IL1F10: variants seen among roughly 807,000 people sequenced by gnomAD.
The protein encoded by IL1F10 is interleukin 1 family member 10.
A neutral mutation model predicts 13.1 loss-of-function variants in IL1F10; 13 were observed. That is an observed-to-expected ratio of 0.99 (90% confidence interval 0.64 to 1.57). The LOEUF is 1.57. Ranked by LOEUF, IL1F10 falls within the 40% of genes most tolerant of loss-of-function variation. IL1F10 has a pLI of 0.00. For missense variants in IL1F10, 191 were observed against 184.1 expected (o/e 1.04, Z -0.22); for synonymous variants, 78 against 68.2 (o/e 1.14, Z -0.71).
chr2:113,072,986 G>GGTCTA (rs1685866841), intron 2 of IL1F10, among the ~76,000 whole-genome samples: 2 of 152,050 alleles, frequency 1.3e-5, no homozygotes, highest in Non-Finnish European at 2.9e-5. Flanking sequence ...CAAAAAGTCT[G>GGTCTA]TAAGTGGAGT....
chr2:113,072,623 C>T (rs539520371), intron 1 of IL1F10, 88 bp from the exon 2 acceptor site: 10 of 847,590 alleles, frequency 1.2e-5, no homozygotes, highest in South Asian at 1.1e-4. Flanking sequence ...CCGTGCAGCC[C>T]TTGGCTGAGT....
rs1446295214 is a variant in IL1F10 at position 113,073,812 on chromosome 2, GA to G, written c.33-514del. Among the ~76,000 whole-genome samples, 4 of 152,290 alleles carry G rather than the reference GA, an allele frequency of 2.6e-5. No individual in the cohort carries two copies. The East Asian group carries it at 7.7e-4, about 29-fold the overall frequency. ...CTGACAGCAGCTGACAGGCATCTTT[GA>G]AACCAACTAGGTGACTGAGCTAATA... On this transcript the variant is annotated intron_variant, in intron 2 of 4. Transcript: ENST00000341010.
rs1685912769 is a variant in IL1F10, at chr2:113,075,066, C to T, written c.247-86C>T. 3.0e-6 allele frequency: 4 copies of T among 1,337,424 alleles called. No individual in the cohort carries two copies. In the Admixed American group the frequency reaches 8.4e-5, roughly 28 times the overall value. 82.8% of individuals were successfully genotyped at this position (1,337,424 alleles called of 1,614,324 possible). A position where few individuals can be genotyped will look rare whatever the true frequency, so the allele number is the denominator to read the frequency against. On this transcript the variant is annotated intron_variant, in intron 4 of 4. Transcript: ENST00000341010. Reference sequence around the variant, plus strand: ...TGGGTAAAAACCAGCCCTGTCAGGTCCTTTTTTGGCCAAGCCCCAGAGGCC... The same window carrying T: ...TGGGTAAAAACCAGCCCTGTCAGGTTCTTTTTTGGCCAAGCCCCAGAGGCC...
Position 113,075,511 on chromosome 2 carries a change from G to A in IL1F10, c.*147G>A, listed in dbSNP as rs2105080579. On this transcript the variant is annotated 3_prime_UTR_variant, in exon 5 of 5. Transcript: ENST00000341010. ...ATATGTTACCATACATGTCCAAAGA[G>A]GTTTTGCAAATGTGATTATGTTAAG... 6 of 521,408 alleles carry A rather than the reference G, an allele frequency of 1.2e-5. No individual in the cohort carries two copies. In the South Asian group the frequency reaches 3.0e-4, roughly 26 times the overall value. The allele number at this position is 521,408 out of a possible 1,614,324, so 32.3% of individuals were successfully genotyped here. A position where few individuals can be genotyped will look rare whatever the true frequency, so the allele number is the denominator to read the frequency against.
In IL1F10 at chr2:113,069,809, G is replaced by A. The variant is rs114129991; in HGVS notation, c.-29+1793G>A. On this transcript the variant is annotated intron_variant, in intron 1 of 4. Coordinates refer to ENST00000341010, the MANE Select transcript of IL1F10 (RefSeq NM_173161.3). ...CTTAGGGGTGGCCCCAGAAGGAGGTGAAATCTACAGTGGGAGAAAGAGGTG... is the reference window on the plus strand; with the variant it reads ...CTTAGGGGTGGCCCCAGAAGGAGGTAAAATCTACAGTGGGAGAAAGAGGTG... Among the ~76,000 whole-genome samples the A allele has an allele frequency of 9.4e-3, 1,430 of 152,316 alleles. 26 individuals carry two copies. Among genetic ancestry groups the A allele is most frequent in the African/African-American group, 0.032 (1,317 of 41,552 alleles).
At chr2:113,074,054 C>T (rs1685891363) in intron 2 of IL1F10, among the ~76,000 whole-genome samples, 1 of 152,188 alleles carries the variant, frequency 6.6e-6, no homozygotes. Flanking sequence ...TGTCAGAGGG[C>T]ATTGGCTCTC....
rs188407486 is a variant in IL1F10, at chr2:113,072,705, C to G, written c.-28-6C>G. The stretch of plus-strand genomic sequence containing the variant: ...TTTCTAACTGCCCTTCTCTCCTCCC[C>G]ATCAGTGAGGACCAGACACCACTGA... On this transcript the variant is annotated splice_polypyrimidine_tract_variant and splice_region_variant and intron_variant, in intron 1 of 4. Transcript: ENST00000341010. 2.3e-3 allele frequency: 3,683 copies of G among 1,594,636 alleles called. 11 individuals carry two copies. The highest frequency in any genetic ancestry group is 0.014 in the Middle Eastern group (86 of 6,022).
At chr2:113,074,614 A>G in intron 3 of IL1F10, 109 bp from the exon 4 acceptor site, 1 of 1,395,544 alleles carries the variant, frequency 7.2e-7, no homozygotes, top group Non-Finnish European at 1.0e-6. Context: ...ATGCAGGGCC[A>G]GGCCAGGTGT....
intron 2 of IL1F10, 40 bp from the exon 3 acceptor site, chr2:113,074,289 A>G (rs1026742126): frequency 1.5e-6 from 2 of 1,324,010 alleles, no homozygotes; most frequent in Admixed American, 1.7e-5. Flanking sequence ...CCAGTGGTGC[A>G]TAAAGGGAAT....
At chr2:113,074,663 C>A (rs1281442940) in intron 3 of IL1F10, 60 bp from the exon 4 acceptor site, 4 of 1,603,372 alleles carry the variant, frequency 2.5e-6, no homozygotes, top group Non-Finnish European at 3.4e-6. Context: ...CCTTTACCTG[C>A]CAAGAGCCTG....
chr2:113,075,137 A>G lies in IL1F10; in HGVS notation c.247-15A>G, dbSNP rs1421708283. 6.3e-7 allele frequency: 1 copy of G among 1,588,946 alleles called. No homozygotes were observed. Among genetic ancestry groups the G allele is most frequent in the East Asian group, 2.3e-5 (1 of 44,434 alleles). ...CAGCACTCTCATTCTGCAGCCATCC[A>G]CCTTGCCCCCACAGGATGTGAACAT... On this transcript the variant is annotated splice_polypyrimidine_tract_variant and intron_variant, in intron 4 of 4. Coordinates refer to ENST00000341010, the MANE Select transcript of IL1F10 (RefSeq NM_173161.3).
chr2:113,074,374 G>A lies in IL1F10; in HGVS notation c.78G>A (p.Gln26=). ...AGGCTCTATACACAAGAGATGGCCA[G>A]CTGCTGGTGGGAGATCCTGTTGCAG... ...DQKALYTRDG[Q]LLVGDPVADN... is the part of the protein sequence containing the mutation. The change falls in exon 3 of 5, where the codon CAG becomes CAA. Residue 26 remains glutamine, a synonymous_variant. Transcript: ENST00000341010. 1.2e-6 allele frequency: 2 copies of A among 1,614,032 alleles called. No homozygotes were observed. Among genetic ancestry groups the A allele is most frequent in the Non-Finnish European group, 1.7e-6 (2 of 1,179,890 alleles).
chr2:113,071,673 G>A (rs28928288), intron 1 of IL1F10, among the ~76,000 whole-genome samples: 2,735 of 152,252 alleles, frequency 0.018, 50 homozygotes, highest in Middle Eastern at 0.061. Flanking sequence ...GAGGTGGTTG[G>A]AAGCCGTATC....
chr2:113,073,911 C>T, intron 2 of IL1F10, among the ~76,000 whole-genome samples: 1 of 148,286 alleles, frequency 6.7e-6, no homozygotes, highest in East Asian at 2.0e-4. Flanking sequence ...AATCTCTGTA[C>T]TAAAGAGAAT....
intron 1 of IL1F10, among the ~76,000 whole-genome samples, chr2:113,070,049 G>C (rs1459144458): frequency 6.6e-6 from 1 of 152,222 alleles, no homozygotes; most frequent in Non-Finnish European, 1.5e-5. Flanking sequence ...GGCAGTGTTT[G>C]AGCCAGGACA....
chr2:113,072,536 C>A (rs1685856033), intron 1 of IL1F10, 175 bp from the exon 2 acceptor site: 3 of 545,666 alleles, frequency 5.5e-6, no homozygotes, highest in Non-Finnish European at 6.5e-6. Context: ...AGAGGCAGAG[C>A]TGCCTGGAGC....
rs771151360 is a variant in IL1F10 at position 113,074,796 on chromosome 2, G to C, written c.192G>C (p.Gly64=). 6 of 1,613,646 alleles carry C rather than the reference G, an allele frequency of 3.7e-6. No individual in the cohort carries two copies. The Middle Eastern group carries it at 5.2e-4, about 141-fold the overall frequency. Reference sequence around the variant, plus strand: ...CCATTTTCCTGGGGATCCAGGGAGGGAGCCGCTGCCTGGCATGTGTGGAGA... The same window carrying C: ...CCATTTTCCTGGGGATCCAGGGAGGCAGCCGCTGCCTGGCATGTGTGGAGA... The part of the protein sequence containing the change: ...KVPIFLGIQG[G]SRCLACVETE... The change falls in exon 4 of 5, where the codon GGG becomes GGC. Residue 64 remains glycine (G), a synonymous_variant. Transcript: ENST00000341010.
At chr2:113,071,044 A>G (rs1197794515) in intron 1 of IL1F10, among the ~76,000 whole-genome samples, 1 of 152,234 alleles carries the variant, frequency 6.6e-6, no homozygotes, top group Non-Finnish European at 1.5e-5. Context: ...TGATACTACA[A>G]AGGAAATTCA....
chr2:113,074,213 A>T, intron 2 of IL1F10, 116 bp from the exon 3 acceptor site: 1 of 693,502 alleles, frequency 1.4e-6, no homozygotes, highest in Non-Finnish European at 2.6e-6. Context: ...CCACCTGTGA[A>T]GGAGAGAAAA....
Sources: gnomAD v4.1 joint callset for allele counts (sites outside exome capture counted in the v4.1 genomes callset) on GRCh38, gnomAD v4.1.1 for gene constraint, MANE v1.5 for transcripts, NCBI Gene and HGNC (gene_info 2026-07-23, HGNC 2026-07-21) for gene names.